The following COL12A1 variants were observed in gnomAD, a reference collection of about 807,000 sequenced individuals.
COL12A1 encodes collagen type XII alpha 1 chain, also known as collagen alpha-1(XII) chain.
In COL12A1, 114 loss-of-function variants were observed where a neutral mutation model predicts 349.7. The observed-to-expected ratio is 0.33, with a 90% CI of 0.28 to 0.38. COL12A1 has a LOEUF of 0.38. Among genes scored for constraint, COL12A1 ranks in the 10% least tolerant of loss-of-function variants. The probability of loss-of-function intolerance (pLI) is 1.00; values close to 1 mark genes in which losing one functional copy is unlikely to be tolerated. For synonymous variants in COL12A1, 1,369 were observed against 1,329.0 expected (o/e 1.03, Z -0.66); for missense variants, 3,284 against 3,756.9 (o/e 0.87, Z 3.29).
At position 75,116,162 on chromosome 6, in the gene COL12A1, T is replaced by A. The variant is rs1769067093; in HGVS notation, c.7520-105A>T. 2.8e-6 allele frequency: 3 copies of A among 1,071,364 alleles called. No individual in the cohort carries two copies. In the African/African-American group the frequency reaches 4.8e-5, roughly 17 times the overall value. The allele number at this position is 1,071,364 out of a possible 1,614,324, so 66.4% of individuals were successfully genotyped here. A position where few individuals can be genotyped will look rare whatever the true frequency, so the allele number is the denominator to read the frequency against. On this transcript the variant is annotated intron_variant, in intron 47 of 65. Coordinates refer to ENST00000322507, the MANE Select transcript of COL12A1 (RefSeq NM_004370.6). ...GTATTTCAAGTAATAAATGACATTGTTCATTTATTAAAATAACTTCTCAAT... is the reference window on the plus strand; with the variant it reads ...GTATTTCAAGTAATAAATGACATTGATCATTTATTAAAATAACTTCTCAAT...
rs1766437313 is a variant in COL12A1, at chr6:75,133,863, C to T, written c.5659G>A (p.Glu1887Lys). The T allele has an allele frequency of 3.1e-6, 5 of 1,613,994 alleles. No individual in the cohort carries two copies. Among genetic ancestry groups the T allele is most frequent in the Non-Finnish European group, 3.4e-6 (4 of 1,179,954 alleles). The change falls in exon 33 of 66, where the codon GAA becomes AAA. Residue 1887 changes from glutamate (E) to lysine (K), a missense_variant. Physicochemically the swap from Glu to Lys is moderately conservative, Grantham distance 56. Coordinates refer to ENST00000322507, the MANE Select transcript of COL12A1 (RefSeq NM_004370.6). ...FYAPAAGGPEELVPIPGNTNY... is the reference protein window; with the variant it reads ...FYAPAAGGPEKLVPIPGNTNY... ...TTACTACAAGAAATAATTACCAGTT[C>T]CTCTGGACCACCTGCTGCTGGTGCA... is the stretch of plus-strand genomic sequence containing the variant.
chr6:75,130,324 C>G, intron 36 of COL12A1, 91 bp from the exon 37 acceptor site: 1 of 1,265,028 alleles, frequency 7.9e-7, no homozygotes, highest in African/African-American at 1.5e-5. Flanking sequence ...GTTTCATTCA[C>G]CATTCACTCA....
chr6:75,149,658 C>T (rs1451161776), intron 21 of COL12A1, among the ~76,000 whole-genome samples: 1 of 152,080 alleles, frequency 6.6e-6, no homozygotes, highest in Non-Finnish European at 1.5e-5. Context: ...ATAAGCATGG[C>T]AAATCATTCT....
chr6:75,138,989 A>C (rs1167967366), intron 27 of COL12A1, 28 bp from the exon 28 acceptor site: 4 of 1,610,004 alleles, frequency 2.5e-6, no homozygotes, highest in Non-Finnish European at 2.5e-6. Flanking sequence ...AAGCAGACTA[A>C]GTTTTTGAAT....
chr6:75,102,210 C>G (rs1582050086), intron 56 of COL12A1, among the ~76,000 whole-genome samples, 158 bp from the exon 57 acceptor site: 2 of 152,122 alleles, frequency 1.3e-5, no homozygotes, highest in Non-Finnish European at 2.9e-5. Flanking sequence ...GATGAATAAA[C>G]CTTTTTTGAA....
Position 75,148,417 on chromosome 6 carries a change from C to T in COL12A1, c.4228G>A (p.Asp1410Asn). The T allele has an allele frequency of 6.2e-7, 1 of 1,613,474 alleles. No individual in the cohort carries two copies. The highest frequency in any genetic ancestry group is 8.5e-7 in the Non-Finnish European group (1 of 1,179,492). The change falls in exon 22 of 66, where the codon GAC (aspartate) becomes AAC (asparagine). Residue 1410 changes from aspartate to asparagine, a missense_variant. By Grantham distance (23) the Asp-to-Asn change is conservative. Around this residue, in one of 2 missense-constraint regions of COL12A1, gnomAD observed 2,601 missense variants for 2,824.8 expected, o/e 0.92. Coordinates refer to ENST00000322507, the MANE Select transcript of COL12A1 (RefSeq NM_004370.6). ...SFRVSWTPPS[D>N]SVDRYKVEYY... ...TCCACCTTATATCGATCCACACTGT[C>T]AGAAGGTGGTGTCCAGCTCACTCTA...
At chr6:75,121,155 C>T (rs1765706239) in intron 44 of COL12A1, 147 bp downstream of exon 44, 5 of 647,258 alleles carry the variant, frequency 7.7e-6, no homozygotes, top group Middle Eastern at 2.8e-4. Context: ...ACCCAATTCC[C>T]TCCCAAAAAT....
At chr6:75,146,924 A>G (rs961884610) in intron 23 of COL12A1, among the ~76,000 whole-genome samples, 5 of 152,252 alleles carry the variant, frequency 3.3e-5, no homozygotes, top group Non-Finnish European at 7.3e-5. Context: ...AGCAGTACAT[A>G]AAGTCAGTTC....
chr6:75,180,846 G>A, intron 11 of COL12A1, 93 bp downstream of exon 11: 2 of 1,427,068 alleles, frequency 1.4e-6, no homozygotes, highest in South Asian at 3.0e-5. Flanking sequence ...TGGCAATTCT[G>A]AACTATAAAG....
Position 75,133,902 on chromosome 6 carries a change from A to G in COL12A1, c.5620T>C (p.Tyr1874His), listed in dbSNP as rs1766439644. Reference protein sequence around the residue: ...WDHAEGNPRQYKLFYAPAAGG... With the variant: ...WDHAEGNPRQHKLFYAPAAGG... The stretch of plus-strand genomic sequence containing the variant: ...GCTGCTGGTGCATAGAAGAGCTTGT[A>G]CTGACGAGGATTTCCCTCTGCATGG... Residue 1874 changes from tyrosine to histidine, a missense_variant, in exon 33 of 66, where the codon TAC becomes CAC. Tyr to His is a moderately conservative substitution (Grantham distance 83, BLOSUM62 2). Coordinates refer to ENST00000322507, the MANE Select transcript of COL12A1 (RefSeq NM_004370.6). The G allele has an allele frequency of 1.9e-6, 3 of 1,613,984 alleles. No individual in the cohort carries two copies. The highest frequency in any genetic ancestry group is 2.7e-5 in the African/African-American group (2 of 74,904).
In COL12A1 at chr6:75,119,182, C is replaced by T. The variant is rs568748031; in HGVS notation, c.7215G>A (p.Lys2405=). The change falls in exon 46 of 66, where the codon AAG becomes AAA. Residue 2405 remains lysine, a synonymous_variant. Transcript: ENST00000322507. ...RYRGGNTRTG[K]ALTFIKEKVL... is the part of the protein sequence containing the mutation. Reference sequence around the variant, plus strand: ...CTTTCTCCTTGATAAACGTGAGGGCCTTGCCTACAGAATGTGGCATGGAAA... The same window carrying T: ...CTTTCTCCTTGATAAACGTGAGGGCTTTGCCTACAGAATGTGGCATGGAAA... The T allele has an allele frequency of 9.9e-6, 16 of 1,613,888 alleles. No individual in the cohort carries two copies. In the African/African-American group the frequency reaches 1.9e-4, roughly 19 times the overall value.
intron 27 of COL12A1, 147 bp from the exon 28 acceptor site, chr6:75,139,108 CT>C: frequency 1.2e-6 from 1 of 831,714 alleles, no homozygotes; most frequent in Non-Finnish European, 1.8e-6. Flanking sequence ...TCACCAATTC[CT>C]AGAGCTCTGG....
In COL12A1 at chr6:75,147,942, T is replaced by A. The variant is rs1216025590; in HGVS notation, c.4288-138A>T. 7.4e-6 allele frequency: 7 copies of A among 942,748 alleles called. No individual in the cohort carries two copies. In the African/African-American group the frequency reaches 8.5e-5, roughly 11 times the overall value. 58.4% of individuals were successfully genotyped at this position (942,748 alleles called of 1,614,324 possible). A position where few individuals can be genotyped will look rare whatever the true frequency, so the allele number is the denominator to read the frequency against. Reference sequence around the variant, plus strand: ...GCCATTGTCTTTTGTATTTGGAAACTATCAGATTACAATGAGATCTTGGAC... The same window carrying A: ...GCCATTGTCTTTTGTATTTGGAAACAATCAGATTACAATGAGATCTTGGAC... On this transcript the variant is annotated intron_variant, in intron 22 of 65. Coordinates refer to ENST00000322507, the MANE Select transcript of COL12A1 (RefSeq NM_004370.6).
chr6:75,167,051 T>C (rs4706592), intron 13 of COL12A1, among the ~76,000 whole-genome samples: 38,326 of 152,064 alleles, frequency 0.25, 6,091 homozygotes, highest in East Asian at 0.49. Context: ...GAACAAAGAA[T>C]ACTTATTTTT....
chr6:75,133,507 G>A (rs1766419001), intron 33 of COL12A1, 85 bp from the exon 34 acceptor site: 8 of 1,343,658 alleles, frequency 6.0e-6, no homozygotes, highest in Non-Finnish European at 8.1e-6. Context: ...ACCAACTCAA[G>A]ACCAAGTCAA....
chr6:75,191,328 A>G (rs1769920262), intron 5 of COL12A1, among the ~76,000 whole-genome samples: 1 of 151,970 alleles, frequency 6.6e-6, no homozygotes, highest in African/African-American at 2.4e-5. Flanking sequence ...CCAGCCCTGT[A>G]TTTCTCATAT....
At position 75,198,688 on chromosome 6, in the gene COL12A1, G is replaced by A. The variant is rs565057388; in HGVS notation, c.74-3741C>T. Among the ~76,000 whole-genome samples, 14 of 152,110 alleles carry A rather than the reference G, an allele frequency of 9.2e-5. No homozygotes were observed. In the East Asian group the frequency reaches 1.7e-3, roughly 19 times the overall value. The stretch of plus-strand genomic sequence containing the variant: ...AAGGGGCTATGTCCAAGAAATTACC[G>A]GCCACTGCAGAGATGAATGAAGGGA... On this transcript the variant is annotated intron_variant, in intron 2 of 65. Coordinates refer to ENST00000322507, the MANE Select transcript of COL12A1 (RefSeq NM_004370.6).
Position 75,102,620 on chromosome 6 carries a change from C to T in COL12A1, c.8392G>A (p.Gly2798Arg), listed in dbSNP as rs1582050802. Residue 2798 changes from glycine to arginine, a missense_variant, in exon 56 of 66, where the codon GGA (glycine) becomes AGA (arginine). Around this residue, in one of 2 missense-constraint regions of COL12A1, gnomAD observed 683 missense variants for 932.1 expected, o/e 0.73. Transcript: ENST00000322507. ...QGPPGPQGPNGLSIPGEQGRQ... is the reference protein window; with the variant it reads ...QGPPGPQGPNRLSIPGEQGRQ... ...ACTTGCTCTCCCGGAATAGAGAGTC[C>T]ATTGGGTCCCTGAGGGCCTGGAGGA... is the stretch of plus-strand genomic sequence containing the variant. 1 of 1,563,816 alleles carries T rather than the reference C, an allele frequency of 6.4e-7. No individual in the cohort carries two copies. The highest frequency in any genetic ancestry group is 8.6e-7 in the Non-Finnish European group (1 of 1,156,076).
intron 14 of COL12A1, among the ~76,000 whole-genome samples, chr6:75,159,065 A>G (rs1398301562): frequency 6.6e-6 from 1 of 152,008 alleles, no homozygotes; most frequent in Non-Finnish European, 1.5e-5. Flanking sequence ...CTATACCAAG[A>G]CACATCATAA....
Sources: gnomAD v4.1 joint callset for allele counts (sites outside exome capture counted in the v4.1 genomes callset) on GRCh38, gnomAD v4.1.1 for gene constraint, gnomAD v4.1.1 regional missense constraint, MANE v1.5 for transcripts, NCBI Gene and HGNC (gene_info 2026-07-23, HGNC 2026-07-21) for gene names.